Variants in CMTM4 observed in about 807,000 individuals in gnomAD.
CMTM4 encodes CKLF-like MARVEL transmembrane domain-containing protein 4.
In CMTM4, 8 loss-of-function variants were observed where a neutral mutation model predicts 19.0. That is an observed-to-expected ratio of 0.42 (90% confidence interval 0.25 to 0.76). The LOEUF (loss-of-function observed/expected upper bound fraction) is 0.76. Among genes scored for constraint, CMTM4 ranks in the 30% least tolerant of loss-of-function variants. CMTM4 has a pLI of 0.27. For missense variants in CMTM4, 228 were observed against 290.2 expected, an observed-to-expected ratio of 0.79 and a Z score of 1.56; for synonymous variants, 106 against 121.1, an observed-to-expected ratio of 0.88 and a Z score of 0.82.
At chr16:66,675,359 G>A (rs376081659) in intron 1 of CMTM4, among the ~76,000 whole-genome samples, 6 of 151,570 alleles carry the variant, frequency 4.0e-5, no homozygotes, top group South Asian at 2.1e-4. Context: ...TGGGATTACC[G>A]GTGTGAGCCA....
the CMTM4 span, among the ~76,000 whole-genome samples, chr16:66,606,338 C>G: frequency 6.6e-6 from 1 of 152,104 alleles, no homozygotes; most frequent in Non-Finnish European, 1.5e-5. Context: ...CTTTGGGGTG[C>G]AGGCATAGGA....
intron 2 of CMTM4, among the ~76,000 whole-genome samples, chr16:66,626,614 A>AT (rs1440551088): frequency 1.3e-5 from 2 of 151,988 alleles, no homozygotes; most frequent in East Asian, 3.9e-4. Context: ...TCAAAAAAAA[A>AT]ACAAAGTTAG....
In CMTM4 at chr16:66,619,501, TG is replaced by T; in HGVS notation, c.*2556del. On this transcript the variant is annotated 3_prime_UTR_variant, in exon 4 of 4. Transcript: ENST00000394106. ...AAACCAAACTGATATTGGTCCCTAT[TG>T]AAACTATTAAACGCAAAAACGCTTC... 1 of 985,414 alleles carries T rather than the reference TG, an allele frequency of 1.0e-6. No individual in the cohort carries two copies. Among genetic ancestry groups the T allele is most frequent in the Non-Finnish European group, 1.2e-6 (1 of 829,934 alleles). 61.0% of individuals were successfully genotyped at this position (985,414 alleles called of 1,614,324 possible).
chr16:66,653,879 C>T (rs1021816468), intron 1 of CMTM4, among the ~76,000 whole-genome samples: 5 of 152,008 alleles, frequency 3.3e-5, no homozygotes, highest in Admixed American at 2.0e-4. Flanking sequence ...GGATTAGAAG[C>T]GTGTGCCATC....
intron 2 of CMTM4, among the ~76,000 whole-genome samples, chr16:66,624,956 G>A (rs569381922): frequency 1.2e-3 from 182 of 152,284 alleles, no homozygotes; most frequent in Non-Finnish European, 2.1e-3. Context: ...ACCAGGAAGC[G>A]TTTAGTTACA....
In CMTM4 at chr16:66,632,040, C is replaced by T. The variant is rs535610319; in HGVS notation, c.363+4365G>A. Among the ~76,000 whole-genome samples the T allele has an allele frequency of 1.1e-4, 17 of 152,376 alleles. No homozygotes were observed. In the South Asian group the frequency reaches 3.5e-3, roughly 32 times the overall value. ...GTAACTGCCAACTGTTCTCAACCCACCACAGCACCCAGCCTGGGTTCTGAG... is the reference window on the plus strand; with the variant it reads ...GTAACTGCCAACTGTTCTCAACCCATCACAGCACCCAGCCTGGGTTCTGAG... On this transcript the variant is annotated intron_variant, in intron 2 of 3. Coordinates refer to ENST00000394106, the MANE Select transcript of CMTM4 (RefSeq NM_181521.3).
intron 1 of CMTM4, among the ~76,000 whole-genome samples, chr16:66,657,170 C>T (rs573504657): frequency 6.4e-4 from 97 of 151,652 alleles, no homozygotes; most frequent in African/African-American, 2.2e-3. Context: ...CTGCAACCTC[C>T]GCCTCCCAGG....
At position 66,620,117 on chromosome 16, in the gene CMTM4, AGTAACATGATTCCC is replaced by A. The variant is rs1299255147; in HGVS notation, c.*1927_*1940del. The A allele has an allele frequency of 3.0e-6, 3 of 985,328 alleles. No homozygotes were observed. Among genetic ancestry groups the A allele is most frequent in the Non-Finnish European group, 2.4e-6 (2 of 829,942 alleles). 61.0% of individuals were successfully genotyped at this position (985,328 alleles called of 1,614,324 possible). A position where few individuals can be genotyped will look rare whatever the true frequency, so the allele number is the denominator to read the frequency against. ...CAAAGATGGCCTTTTTTGGGGGCCA[AGTAACATGATTCCC>A]AGCAGGAGATTTCTGATAAAGCTCA... On this transcript the variant is annotated 3_prime_UTR_variant, in exon 4 of 4. Coordinates refer to ENST00000394106, the MANE Select transcript of CMTM4 (RefSeq NM_181521.3).
chr16:66,635,411 C>A (rs899141956), intron 2 of CMTM4, among the ~76,000 whole-genome samples: 1 of 152,186 alleles, frequency 6.6e-6, no homozygotes, highest in Non-Finnish European at 1.5e-5. Context: ...CCAGAGAGCA[C>A]CTGTAAGGAG....
intron 1 of CMTM4, among the ~76,000 whole-genome samples, chr16:66,692,666 G>A (rs1250526062): frequency 6.6e-6 from 1 of 152,150 alleles, no homozygotes; most frequent in African/African-American, 2.4e-5. Flanking sequence ...AACACTTTGG[G>A]AGACCAAGAT....
At chr16:66,636,748 C>A (rs355971) in intron 1 of CMTM4, among the ~76,000 whole-genome samples, 167 bp from the exon 2 acceptor site, 14,377 of 152,176 alleles carry the variant, frequency 0.094, 943 homozygotes, top group East Asian at 0.27. Flanking sequence ...CAATTCTTAC[C>A]TAAAGAATAG....
the CMTM4 span, among the ~76,000 whole-genome samples, chr16:66,606,866 G>A: frequency 5.5e-3 from 843 of 152,276 alleles, 23 homozygotes; most frequent in East Asian, 0.075. Context: ...GGTGGCGGGC[G>A]CCTGTAATCC....
the CMTM4 span, among the ~76,000 whole-genome samples, chr16:66,598,752 C>G: frequency 1.3e-5 from 2 of 152,292 alleles, no homozygotes; most frequent in South Asian, 4.1e-4. Flanking sequence ...ATGGTTCGTT[C>G]CTTTTTCTTG....
Position 66,621,102 on chromosome 16 carries a change from T to C in CMTM4, c.*956A>G, listed in dbSNP as rs1380327761. On this transcript the variant is annotated 3_prime_UTR_variant, in exon 4 of 4. Transcript: ENST00000394106. ...CTGCTCAGAATCATTTTAGAACTCT[T>C]TGCAGGCATTTAGAAAATTAGCACA... 4 of 985,726 alleles carry C rather than the reference T, an allele frequency of 4.1e-6. No individual in the cohort carries two copies. Among genetic ancestry groups the C allele is most frequent in the Admixed American group, 6.1e-5 (1 of 16,266 alleles). The allele number at this position is 985,726 out of a possible 1,614,324, so 61.1% of individuals were successfully genotyped here.
At chr16:66,690,378 C>T (rs1596967935) in intron 1 of CMTM4, among the ~76,000 whole-genome samples, 1 of 152,288 alleles carries the variant, frequency 6.6e-6, no homozygotes, top group Admixed American at 6.5e-5. Flanking sequence ...TTGAACCAGC[C>T]CCTCCAACAG....
At chr16:66,655,702 C>T (rs1221968037) in intron 1 of CMTM4, among the ~76,000 whole-genome samples, 3 of 151,756 alleles carry the variant, frequency 2.0e-5, no homozygotes, top group Non-Finnish European at 4.4e-5. Context: ...GTAGGAGAGT[C>T]CAAGATGAGT....
Position 66,621,633 on chromosome 16 carries a change from G to A in CMTM4, c.*425C>T, listed in dbSNP as rs758584928. On this transcript the variant is annotated 3_prime_UTR_variant, in exon 4 of 4. Transcript: ENST00000394106. Reference sequence around the variant, plus strand: ...CAGCACGCAGACTCAACACTGACTTGGAGCAGGTGGTGCCTAAGGCTGCCT... The same window carrying A: ...CAGCACGCAGACTCAACACTGACTTAGAGCAGGTGGTGCCTAAGGCTGCCT... 3.1e-5 allele frequency: 31 copies of A among 1,003,248 alleles called. No homozygotes were observed. Among genetic ancestry groups the A allele is most frequent in the Non-Finnish European group, 3.7e-5 (31 of 839,390 alleles). The allele number at this position is 1,003,248 out of a possible 1,614,324, so 62.1% of individuals were successfully genotyped here.
At chr16:66,637,088 C>T (rs953347587) in intron 1 of CMTM4, among the ~76,000 whole-genome samples, 2 of 152,162 alleles carry the variant, frequency 1.3e-5, no homozygotes, top group East Asian at 1.9e-4. Flanking sequence ...GGACTCCTGA[C>T]GGCTTTAAAA....
chr16:66,629,838 C>A (rs1384136916), intron 2 of CMTM4, among the ~76,000 whole-genome samples: 1 of 152,186 alleles, frequency 6.6e-6, no homozygotes, highest in African/African-American at 2.4e-5. Flanking sequence ...ACGATGGGGT[C>A]TGGGGAGCTT....
Sources: gnomAD v4.1 joint callset for allele counts (sites outside exome capture counted in the v4.1 genomes callset) on GRCh38, gnomAD v4.1.1 for gene constraint, MANE v1.5 for transcripts, NCBI Gene and HGNC (gene_info 2026-07-23, HGNC 2026-07-21) for gene names.